The following NINL variants were observed in gnomAD, a reference collection of about 807,000 sequenced individuals.
NINL encodes ninein like.
NINL carries 153 observed loss-of-function variants against 160.3 expected under a neutral mutation model. That is an observed-to-expected ratio of 0.95 (90% CI 0.84 to 1.09). NINL has a LOEUF of 1.09. Among genes scored for constraint, NINL ranks in the 50% least tolerant of loss-of-function variants. The pLI is 0.00. For synonymous variants in NINL, 800 were observed against 734.8 expected (o/e 1.09, Z -1.43); for missense variants, 1,829 against 1,764.0 (o/e 1.04, Z -0.66).
chr20:25,546,276 T>C (rs971217883), intron 1 of NINL, among the ~76,000 whole-genome samples: 1 of 152,136 alleles, frequency 6.6e-6, no homozygotes, highest in African/African-American at 2.4e-5. Flanking sequence ...GTCCAGCAGG[T>C]TTCCCCCAGG....
At chr20:25,548,002 CTAATGAGG>C (rs1301921598) in intron 1 of NINL, among the ~76,000 whole-genome samples, 3 of 152,238 alleles carry the variant, frequency 2.0e-5, no homozygotes, top group African/African-American at 7.2e-5. Flanking sequence ...GCAAATCAAA[CTAATGAGG>C]TAACACTGCA....
At chr20:25,518,913 T>C (rs2064212294) in intron 2 of NINL, among the ~76,000 whole-genome samples, 3 of 152,004 alleles carry the variant, frequency 2.0e-5, no homozygotes, top group South Asian at 4.2e-4. Context: ...GCCTGGCCAA[T>C]ATGGTGAAAC....
At chr20:25,496,602 C>G in intron 10 of NINL, 61 bp downstream of exon 10, 1 of 1,592,640 alleles carries the variant, frequency 6.3e-7, no homozygotes, top group Non-Finnish European at 8.5e-7. Flanking sequence ...TGTCCACTAC[C>G]TGCCCTCAAA....
intron 1 of NINL, among the ~76,000 whole-genome samples, chr20:25,554,636 C>CAAAACAAAACAAAAAAAA (rs1195606239): frequency 3.6e-4 from 31 of 85,774 alleles, no homozygotes; most frequent in Non-Finnish European, 4.6e-4. Context: ...AAAAAAAAAA[C>CAAAACAAAACAAAAAAAA]AAAAAAAAAA....
rs966511006 is a variant in NINL, at chr20:25,512,682, C to A, written c.450+152G>T. 4.2e-6 allele frequency: 4 copies of A among 955,296 alleles called. No individual in the cohort carries two copies. In the African/African-American group the frequency reaches 6.6e-5, roughly 16 times the overall value. The allele number at this position is 955,296 out of a possible 1,614,324, so 59.2% of individuals were successfully genotyped here. A position where few individuals can be genotyped will look rare whatever the true frequency, so the allele number is the denominator to read the frequency against. ...ACCCAATTTAAATGAAATGGCACTC[C>A]CCAAAGTGACCAAGCTTCTGGCGAC... On this transcript the variant is annotated intron_variant, in intron 4 of 23. Coordinates refer to ENST00000278886, the MANE Select transcript of NINL (RefSeq NM_025176.6).
intron 2 of NINL, among the ~76,000 whole-genome samples, chr20:25,524,347 C>T (rs2064316035): frequency 6.6e-6 from 1 of 152,178 alleles, no homozygotes; most frequent in Non-Finnish European, 1.5e-5. Context: ...CTAGTGCAAA[C>T]AAAGTGACTT....
At position 25,488,984 on chromosome 20, in the gene NINL, G is replaced by A. The variant is rs535332943; in HGVS notation, c.1677+260C>T. The A allele has an allele frequency of 8.2e-6, 4 of 485,714 alleles. No homozygotes were observed. In the South Asian group the frequency reaches 1.1e-4, roughly 14 times the overall value. The allele number at this position is 485,714 out of a possible 1,614,324, so 30.1% of individuals were successfully genotyped here. The stretch of plus-strand genomic sequence containing the variant: ...ACAGACGGACACGCATGGCAGGTTT[G>A]GCCCAGGAAAGCTAAACATGAACAA... On this transcript the variant is annotated intron_variant, in intron 13 of 23. Coordinates refer to ENST00000278886, the MANE Select transcript of NINL (RefSeq NM_025176.6).
chr20:25,484,703 T>C (rs1000842364), intron 13 of NINL, among the ~76,000 whole-genome samples: 3 of 152,208 alleles, frequency 2.0e-5, no homozygotes, highest in Non-Finnish European at 4.4e-5. Flanking sequence ...GCCAATGGCA[T>C]GGACAGATGT....
At chr20:25,538,824 T>C (rs1001508936) in intron 1 of NINL, among the ~76,000 whole-genome samples, 1 of 151,240 alleles carries the variant, frequency 6.6e-6, no homozygotes, top group Non-Finnish European at 1.5e-5. Context: ...AGCACAGAAC[T>C]GGGGAGCACA....
intron 20 of NINL, among the ~76,000 whole-genome samples, chr20:25,461,988 G>T (rs567496839): frequency 1.3e-5 from 2 of 152,174 alleles, no homozygotes; most frequent in South Asian, 2.1e-4. Context: ...TGACTCGGCC[G>T]ATTTCAGTTC....
At chr20:25,493,110 A>G (rs1050982915) in intron 10 of NINL, among the ~76,000 whole-genome samples, 7 of 152,162 alleles carry the variant, frequency 4.6e-5, no homozygotes, top group African/African-American at 1.4e-4. Context: ...GACAATTCAC[A>G]CAAGTCTTTC....
In NINL at chr20:25,453,354, C is replaced by A; in HGVS notation, c.*97G>T. 9.1e-7 allele frequency: 1 copy of A among 1,099,068 alleles called. No individual in the cohort carries two copies. The highest frequency in any genetic ancestry group is 1.6e-5 in the African/African-American group (1 of 63,796). The allele number at this position is 1,099,068 out of a possible 1,614,324, so 68.1% of individuals were successfully genotyped here. A position where few individuals can be genotyped will look rare whatever the true frequency, so the allele number is the denominator to read the frequency against. ...CAAAGAATCCCAATCCTCAGATGTCCCAGGACTCATGGCTCATGACCCACG... is the reference window on the plus strand; with the variant it reads ...CAAAGAATCCCAATCCTCAGATGTCACAGGACTCATGGCTCATGACCCACG... On this transcript the variant is annotated 3_prime_UTR_variant, in exon 24 of 24. Coordinates refer to ENST00000278886, the MANE Select transcript of NINL (RefSeq NM_025176.6).
chr20:25,559,696 G>A (rs1034113337), intron 1 of NINL, among the ~76,000 whole-genome samples: 2 of 152,006 alleles, frequency 1.3e-5, no homozygotes, highest in Non-Finnish European at 2.9e-5. Context: ...GAACTCCTGG[G>A]CTCAAGTGAT....
chr20:25,466,547 C>A (rs1043668037), intron 19 of NINL, among the ~76,000 whole-genome samples: 3 of 152,068 alleles, frequency 2.0e-5, no homozygotes, highest in Admixed American at 1.3e-4. Context: ...CACCTATAAT[C>A]CCAGCAATTT....
chr20:25,561,636 C>T (rs1038729960), intron 1 of NINL, among the ~76,000 whole-genome samples: 32 of 151,948 alleles, frequency 2.1e-4, no homozygotes, highest in African/African-American at 7.7e-4. Context: ...AGGAGCGTCT[C>T]TGCCCAGCCG....
intron 10 of NINL, among the ~76,000 whole-genome samples, chr20:25,494,420 C>T (rs1181749679): frequency 6.6e-6 from 1 of 152,062 alleles, no homozygotes; most frequent in Non-Finnish European, 1.5e-5. Context: ...CACCGCTGTA[C>T]CCCACATACC....
intron 10 of NINL, among the ~76,000 whole-genome samples, chr20:25,495,157 C>G (rs1308522460): frequency 6.6e-6 from 1 of 152,190 alleles, no homozygotes; most frequent in African/African-American, 2.4e-5. Context: ...CATCAGTAGC[C>G]CCTCAACCCC....
chr20:25,467,355 G>A lies in NINL; in HGVS notation c.3423+34C>T, dbSNP rs377450057. ...CAAAATAATGAAAAAAAGGAATGGT[G>A]GCATGAGCTCCATGCCAGGCGTCGA... On this transcript the variant is annotated intron_variant, in intron 19 of 23. Transcript: ENST00000278886. 2.2e-4 allele frequency: 329 copies of A among 1,479,712 alleles called. 1 individual carries two copies. The highest frequency in any genetic ancestry group is 5.1e-4 in the Middle Eastern group (3 of 5,844). The allele number at this position is 1,479,712 out of a possible 1,614,324, so 91.7% of individuals were successfully genotyped here.
intron 1 of NINL, among the ~76,000 whole-genome samples, chr20:25,565,879 A>G (rs114052653): frequency 0.017 from 2,519 of 152,264 alleles, 69 homozygotes; most frequent in African/African-American, 0.058. Flanking sequence ...CTGTCCTGGA[A>G]CAACAACTCC....
Sources: gnomAD v4.1 joint callset for allele counts (sites outside exome capture counted in the v4.1 genomes callset) on GRCh38, gnomAD v4.1.1 for gene constraint, MANE v1.5 for transcripts, NCBI Gene and HGNC (gene_info 2026-07-23, HGNC 2026-07-21) for gene names.